The following AFF3 variants were observed in gnomAD, a reference collection of about 807,000 sequenced individuals.
The protein encoded by AFF3 is AF4/FMR2 family member 3.
A neutral mutation model predicts 129.7 loss-of-function variants in AFF3; 32 were observed. The ratio of observed to expected loss-of-function variants is 0.25; its 90% CI spans 0.19 to 0.33. The LOEUF is 0.33. Among genes scored for constraint, AFF3 ranks in the 10% least tolerant of loss-of-function variants. AFF3 has a pLI of 1.00. For synonymous variants in AFF3, 644 were observed against 635.4 expected (o/e 1.01, Z -0.20); for missense variants, 1,373 against 1,592.0 (o/e 0.86, Z 2.34).
chr2:99,589,127 G>A (rs1251168258), intron 15 of AFF3, among the ~76,000 whole-genome samples: 3 of 152,104 alleles, frequency 2.0e-5, no homozygotes, highest in African/African-American at 7.2e-5. Context: ...GTCTATCTCT[G>A]CATATTTCAT....
intron 7 of AFF3, among the ~76,000 whole-genome samples, chr2:99,892,877 T>A (rs1296394803): frequency 6.6e-6 from 1 of 152,188 alleles, no homozygotes; most frequent in South Asian, 2.1e-4. Context: ...TTGTGGAGAA[T>A]AATTCTAAGA....
At chr2:99,966,684 C>T (rs1286767688) in intron 7 of AFF3, among the ~76,000 whole-genome samples, 9 of 71,544 alleles carry the variant, frequency 1.3e-4, no homozygotes, top group Admixed American at 2.1e-4. Context: ...AGCGAGACTC[C>T]GTCTCAAAAA....
intron 13 of AFF3, among the ~76,000 whole-genome samples, chr2:99,611,951 G>A (rs1001396128): frequency 6.6e-6 from 1 of 151,990 alleles, no homozygotes; most frequent in Non-Finnish European, 1.5e-5. Flanking sequence ...CAGAGAACTG[G>A]CTTTCCTGTG....
intron 7 of AFF3, among the ~76,000 whole-genome samples, chr2:99,853,630 G>A (rs62147608): frequency 9.2e-6 from 1 of 108,646 alleles, no homozygotes; most frequent in African/African-American, 3.1e-5. Context: ...AGTTGATGCT[G>A]TTATTATCTA....
chr2:99,546,463 G>C lies in AFF3; in HGVS notation c.*5011C>G, dbSNP rs948193063. 2 of 232,808 alleles carry C rather than the reference G, an allele frequency of 8.6e-6. No individual in the cohort carries two copies. Among genetic ancestry groups the C allele is most frequent in the Non-Finnish European group, 1.7e-5 (2 of 117,908 alleles). 14.4% of individuals were successfully genotyped at this position (232,808 alleles called of 1,614,324 possible). A position where few individuals can be genotyped will look rare whatever the true frequency, so the allele number is the denominator to read the frequency against. Reference sequence around the variant, plus strand: ...AACCCTTTCTGCATTTTTCTCTCTAGACACGAGTGAGTTATGTCAGATGGT... The same window carrying C: ...AACCCTTTCTGCATTTTTCTCTCTACACACGAGTGAGTTATGTCAGATGGT... On this transcript the variant is annotated 3_prime_UTR_variant, in exon 25 of 25. Coordinates refer to ENST00000672756, the MANE Select transcript of AFF3 (RefSeq NM_001386135.1).
chr2:99,809,510 G>T (rs1254072262), intron 8 of AFF3, among the ~76,000 whole-genome samples: 2 of 152,236 alleles, frequency 1.3e-5, no homozygotes, highest in African/African-American at 4.8e-5. Flanking sequence ...TGATTACCCA[G>T]TGTCTGTCGG....
chr2:100,014,783 C>CTTTTTTTTTTT (rs60456923), intron 4 of AFF3, among the ~76,000 whole-genome samples: 7,350 of 119,910 alleles, frequency 0.061, 580 homozygotes, highest in Non-Finnish European at 0.1. Context: ...ACCTTGCTTC[C>CTTTTTTTTTTT]TTTTTTTTTT....
intron 7 of AFF3, among the ~76,000 whole-genome samples, chr2:99,873,182 A>T (rs1692011892): frequency 6.6e-6 from 1 of 152,220 alleles, no homozygotes; most frequent in African/African-American, 2.4e-5. Context: ...CACTGTTGAG[A>T]TTTAATAAAA....
At chr2:99,746,748 T>G (rs936792292) in intron 9 of AFF3, among the ~76,000 whole-genome samples, 3 of 152,212 alleles carry the variant, frequency 2.0e-5, no homozygotes, top group African/African-American at 7.2e-5. Context: ...TACGTTTTCC[T>G]TCTCTTCAAG....
Position 99,799,479 on chromosome 2 carries a change from C to G in AFF3, c.921+37998G>C, listed in dbSNP as rs778797043. Among the ~76,000 whole-genome samples the G allele has an allele frequency of 4.1e-4, 62 of 151,760 alleles. 1 individual carries two copies. Among genetic ancestry groups the G allele is most frequent in the Admixed American group, 2.5e-3 (38 of 15,238 alleles). ...AAGACCCTTAACATTTGATGAGAAG[C>G]AAATAGAGAGACATACCATGTTCAT... On this transcript the variant is annotated intron_variant, in intron 8 of 24. Transcript: ENST00000672756.
At chr2:99,892,902 G>A (rs771451041) in intron 7 of AFF3, among the ~76,000 whole-genome samples, 1 of 152,162 alleles carries the variant, frequency 6.6e-6, no homozygotes, top group Non-Finnish European at 1.5e-5. Flanking sequence ...CTCCCAGCTC[G>A]TGGTGGGGCC....
At chr2:99,810,607 A>T (rs907047176) in intron 8 of AFF3, among the ~76,000 whole-genome samples, 2 of 152,110 alleles carry the variant, frequency 1.3e-5, no homozygotes, top group Non-Finnish European at 2.9e-5. Context: ...AGTATCTGAA[A>T]TATCTTGTCT....
intron 7 of AFF3, among the ~76,000 whole-genome samples, chr2:99,972,145 C>T (rs969432063): frequency 6.6e-6 from 1 of 152,160 alleles, no homozygotes; most frequent in Non-Finnish European, 1.5e-5. Flanking sequence ...TTAGGCATCA[C>T]ACAAATGTAT....
At chr2:99,920,292 C>T (rs1695765284) in intron 7 of AFF3, among the ~76,000 whole-genome samples, 2 of 151,632 alleles carry the variant, frequency 1.3e-5, no homozygotes, top group Admixed American at 1.3e-4. Flanking sequence ...AGCACAGATG[C>T]AAAAATCTTT....
intron 1 of AFF3, among the ~76,000 whole-genome samples, chr2:100,135,979 A>T (rs1692625519): frequency 6.6e-6 from 1 of 152,226 alleles, no homozygotes; most frequent in African/African-American, 2.4e-5. Flanking sequence ...TGTGAAGGAA[A>T]GAAGTGAAGG....
chr2:99,788,424 C>A (rs1684963241), intron 8 of AFF3, among the ~76,000 whole-genome samples: 1 of 152,072 alleles, frequency 6.6e-6, no homozygotes, highest in Non-Finnish European at 1.5e-5. Flanking sequence ...CAGGCCTACA[C>A]TAATGTGCTG....
At chr2:99,626,082 G>A (rs1232953816) in intron 13 of AFF3, among the ~76,000 whole-genome samples, 3 of 152,138 alleles carry the variant, frequency 2.0e-5, no homozygotes, top group African/African-American at 4.8e-5. Context: ...GCCACCCATC[G>A]GAAGCTGCTG....
intron 14 of AFF3, among the ~76,000 whole-genome samples, chr2:99,595,022 T>C (rs1428153703): frequency 6.6e-6 from 1 of 152,168 alleles, no homozygotes; most frequent in East Asian, 1.9e-4. Context: ...GTCATTGGTT[T>C]TGAACTGTGG....
At chr2:99,653,587 A>G (rs1207763472) in intron 12 of AFF3, among the ~76,000 whole-genome samples, 1 of 152,214 alleles carries the variant, frequency 6.6e-6, no homozygotes, top group African/African-American at 2.4e-5. Context: ...GTGCCTAGGA[A>G]TTGAGGCATC....
Sources: allele counts gnomAD v4.1 joint callset (sites outside exome capture counted in the v4.1 genomes callset), GRCh38; gene constraint gnomAD v4.1.1; transcripts MANE v1.5; gene names NCBI Gene and HGNC (gene_info 2026-07-23, HGNC 2026-07-21).